The following ATP11A variants were observed in gnomAD, a reference collection of about 807,000 sequenced individuals.
ATP11A encodes ATPase phospholipid transporting 11A, also known as phospholipid-transporting ATPase IH.
ATP11A carries 81 observed loss-of-function variants against 154.4 expected under a neutral mutation model. That is an observed-to-expected ratio of 0.52 (90% CI 0.44 to 0.63). ATP11A has a LOEUF of 0.63. ATP11A is among the 30% of genes least tolerant of loss of function. ATP11A has a pLI of 0.00. For missense variants in ATP11A, 1,316 were observed against 1,474.3 expected (o/e 0.89, Z 1.76); for synonymous variants, 623 against 585.9 (o/e 1.06, Z -0.91).
chr13:112,704,563 A>G (rs1886939272), intron 1 of ATP11A, among the ~76,000 whole-genome samples: 1 of 152,246 alleles, frequency 6.6e-6, no homozygotes, highest in Non-Finnish European at 1.5e-5. Flanking sequence ...ACGTGAGAGT[A>G]TGAGATGGGC....
intron 26 of ATP11A, among the ~76,000 whole-genome samples, chr13:112,873,119 CT>C (rs1172392185): frequency 1.8e-5 from 2 of 109,860 alleles, no homozygotes; most frequent in African/African-American, 3.7e-5. Context: ...GTGGCTTTGT[CT>C]TCCTGAACGG....
At chr13:112,871,711 A>T in intron 25 of ATP11A, 24 bp from the exon 26 acceptor site, 1 of 1,607,522 alleles carries the variant, frequency 6.2e-7, no homozygotes, top group Non-Finnish European at 8.5e-7. Context: ...AAACGAGATG[A>T]CTTGGACTAT....
intron 1 of ATP11A, among the ~76,000 whole-genome samples, chr13:112,695,009 A>C (rs1885632658): frequency 6.6e-6 from 1 of 152,228 alleles, no homozygotes; most frequent in Non-Finnish European, 1.5e-5. Context: ...ATCAGTGTTC[A>C]ACTGTGAGGT....
In ATP11A at chr13:112,696,268, T is replaced by G. The variant is rs1231702754; in HGVS notation, c.39+5813T>G. 1.3e-5 allele frequency among the ~76,000 whole-genome samples: 2 copies of G among 152,226 alleles called. No homozygotes were observed. Among genetic ancestry groups the G allele is most frequent in the African/African-American group, 2.4e-5 (1 of 41,464 alleles). On this transcript the variant is annotated intron_variant, in intron 1 of 29. Coordinates refer to ENST00000375645, the MANE Select transcript of ATP11A (RefSeq NM_015205.3). This position sits in a 1 kb window ranked among gnomAD's most constrained non-coding sequence, Gnocchi z 6.2. ...GCATCACCGTCCATGCTTCTGGGCT[T>G]CTTAAGGAGACCGCCTCTCACCTTG...
rs1167750076 is a variant in ATP11A, at chr13:112,881,184, G to A, written c.*10-692G>A. On this transcript the variant is annotated intron_variant, in intron 29 of 29. Transcript: ENST00000375645. ...CTAAAAGTGGGCTGACCTGGGGACG[G>A]CCCCTCATCAGACAGATGCGTGCTG... 4.0e-6 allele frequency: 4 copies of A among 988,778 alleles called. No homozygotes were observed. In the African/African-American group the frequency reaches 7.0e-5, roughly 17 times the overall value. The allele number at this position is 988,778 out of a possible 1,614,324, so 61.3% of individuals were successfully genotyped here. A position where few individuals can be genotyped will look rare whatever the true frequency, so the allele number is the denominator to read the frequency against.
intron 20 of ATP11A, among the ~76,000 whole-genome samples, chr13:112,857,079 A>G (rs576815209): frequency 6.6e-6 from 1 of 152,216 alleles, no homozygotes; most frequent in Admixed American, 6.5e-5. Flanking sequence ...TTCGCTCTTC[A>G]TGTATTCCAT....
chr13:112,713,535 A>G (rs1431892212), intron 1 of ATP11A, among the ~76,000 whole-genome samples: 4 of 152,256 alleles, frequency 2.6e-5, no homozygotes, highest in African/African-American at 4.8e-5. Flanking sequence ...TGTGCACTGC[A>G]TAAGTGACAG....
intron 1 of ATP11A, among the ~76,000 whole-genome samples, chr13:112,765,388 C>T (rs1163925671): frequency 3.9e-5 from 6 of 152,172 alleles, no homozygotes; most frequent in African/African-American, 1.4e-4. Context: ...GTCGTGGTCT[C>T]GCTGGTGCAG....
intron 1 of ATP11A, among the ~76,000 whole-genome samples, chr13:112,734,518 GC>G (rs528209443): frequency 1.2e-3 from 185 of 152,220 alleles, no homozygotes; most frequent in African/African-American, 3.9e-3. Flanking sequence ...AGTGACCTCA[GC>G]CATCAACCGC....
At chr13:112,733,191 C>A (rs1890669941) in intron 1 of ATP11A, among the ~76,000 whole-genome samples, 1 of 152,202 alleles carries the variant, frequency 6.6e-6, no homozygotes, top group African/African-American at 2.4e-5. Context: ...CCATGCGCTT[C>A]CCCACAAAAG....
Position 112,789,532 on chromosome 13 carries a change from C to T in ATP11A, c.162+4275C>T, listed in dbSNP as rs575581556. On this transcript the variant is annotated intron_variant, in intron 2 of 29. Transcript: ENST00000375645. ...TTGCGGAGACCTACTTAATTCACACCGGGTGTCCTGATGCGTAGACTCCTG... is the reference window on the plus strand; with the variant it reads ...TTGCGGAGACCTACTTAATTCACACTGGGTGTCCTGATGCGTAGACTCCTG... Among the ~76,000 whole-genome samples, 23 of 150,962 alleles carry T rather than the reference C, an allele frequency of 1.5e-4. No individual in the cohort carries two copies. The South Asian group carries it at 2.9e-3, about 19-fold the overall frequency.
Position 112,862,321 on chromosome 13 carries a change from C to G in ATP11A, c.2856-119C>G, listed in dbSNP as rs991690026. ...GGCCAGAGCACAAACTTGATGTTTA[C>G]TGGCCGTGCACATCTTATCCCATGA... On this transcript the variant is annotated intron_variant, in intron 24 of 29. Coordinates refer to ENST00000375645, the MANE Select transcript of ATP11A (RefSeq NM_015205.3). 19 of 1,228,602 alleles carry G rather than the reference C, an allele frequency of 1.5e-5. No homozygotes were observed. The African/African-American group carries it at 2.6e-4, about 17-fold the overall frequency. The allele number at this position is 1,228,602 out of a possible 1,614,324, so 76.1% of individuals were successfully genotyped here.
chr13:112,701,126 C>T (rs549005220), intron 1 of ATP11A, among the ~76,000 whole-genome samples: 63 of 152,326 alleles, frequency 4.1e-4, no homozygotes, highest in African/African-American at 1.1e-3. Flanking sequence ...GTGGAATACA[C>T]AGAAATTCGA....
Position 112,831,570 on chromosome 13 carries a change from G to A in ATP11A, c.1395+22G>A, listed in dbSNP as rs201401338. Reference sequence around the variant, plus strand: ...GAGGGTAGGTGGCAGCCCCCACGCCGTCCAAGTGTGTGAGTGAGTGGGCGG... The same window carrying A: ...GAGGGTAGGTGGCAGCCCCCACGCCATCCAAGTGTGTGAGTGAGTGGGCGG... On this transcript the variant is annotated intron_variant, in intron 13 of 29. Coordinates refer to ENST00000375645, the MANE Select transcript of ATP11A (RefSeq NM_015205.3). The A allele has an allele frequency of 9.5e-5, 152 of 1,606,528 alleles. No homozygotes were observed. In the East Asian group the frequency reaches 2.3e-3, roughly 24 times the overall value.
chr13:112,789,593 C>G (rs1265672994), intron 2 of ATP11A, among the ~76,000 whole-genome samples: 7 of 121,138 alleles, frequency 5.8e-5, no homozygotes, highest in Admixed American at 8.4e-5. Flanking sequence ...TGTCCTGACG[C>G]GTAGACCCCT....
At chr13:112,796,340 G>GA (rs1326040105) in intron 2 of ATP11A, among the ~76,000 whole-genome samples, 1 of 152,196 alleles carries the variant, frequency 6.6e-6, no homozygotes, top group Non-Finnish European at 1.5e-5. Context: ...TGTGGCCAGG[G>GA]AATCAAGATT....
chr13:112,861,919 T>TA (rs1252261384), intron 24 of ATP11A, among the ~76,000 whole-genome samples: 2 of 151,872 alleles, frequency 1.3e-5, no homozygotes, highest in African/African-American at 4.9e-5. Flanking sequence ...TGGGAGAAGA[T>TA]ATACTGTTCT....
At chr13:112,820,250 G>A (rs2078763357) in intron 8 of ATP11A, among the ~76,000 whole-genome samples, 1 of 152,214 alleles carries the variant, frequency 6.6e-6, no homozygotes, top group Non-Finnish European at 1.5e-5. Flanking sequence ...GTGAAGGGCG[G>A]AGTACAGCTT....
intron 16 of ATP11A, among the ~76,000 whole-genome samples, chr13:112,839,585 G>A (rs1432803363): frequency 3.9e-5 from 6 of 152,158 alleles, no homozygotes; most frequent in African/African-American, 1.2e-4. Flanking sequence ...CTGCACCTGC[G>A]ACACAACCCA....
Sources: gnomAD v4.1 joint callset for allele counts (sites outside exome capture counted in the v4.1 genomes callset) on GRCh38, gnomAD v4.1.1 for gene constraint, Gnocchi (gnomAD v3.1) non-coding constraint, MANE v1.5 for transcripts, NCBI Gene and HGNC (gene_info 2026-07-23, HGNC 2026-07-21) for gene names.